SPATC1: variants seen among roughly 807,000 people sequenced by gnomAD.
The protein encoded by SPATC1 is spermatogenesis and centriole associated 1, also known as speriolin.
A neutral mutation model predicts 36.5 loss-of-function variants in SPATC1; 35 were observed. That is an observed-to-expected ratio of 0.96 (90% CI 0.73 to 1.27). The LOEUF (loss-of-function observed/expected upper bound fraction) is 1.27, where lower values mean the gene tolerates loss of function less well. Among genes scored for constraint, SPATC1 ranks in the 50% most tolerant of loss-of-function variants. The pLI, the probability that SPATC1 is intolerant of heterozygous loss-of-function variation, is 0.00. For missense variants in SPATC1, 779 were observed against 796.0 expected (o/e 0.98, Z 0.26); for synonymous variants, 361 against 353.6 (o/e 1.02, Z -0.24).
At chr8:144,041,728 T>C (rs1587531100) in intron 4 of SPATC1, among the ~76,000 whole-genome samples, 1 of 151,852 alleles carries the variant, frequency 6.6e-6, no homozygotes, top group Non-Finnish European at 1.5e-5. Flanking sequence ...GGAAGCTCGG[T>C]TGGGGGTGTG....
chr8:144,022,514 A>G (rs1307971970), intron 1 of SPATC1, among the ~76,000 whole-genome samples: 1 of 78,850 alleles, frequency 1.3e-5, no homozygotes, highest in African/African-American at 5.6e-5. Context: ...CCCCCTCAGG[A>G]AGCTCTTCTC....
intron 1 of SPATC1, among the ~76,000 whole-genome samples, chr8:144,035,341 A>G (rs1250657853): frequency 6.6e-6 from 1 of 152,188 alleles, no homozygotes; most frequent in Non-Finnish European, 1.5e-5. Flanking sequence ...GAGGGTACCA[A>G]TAGCACCCAG....
chr8:144,017,181 G>C (rs1198008684), intron 1 of SPATC1, among the ~76,000 whole-genome samples: 2 of 152,148 alleles, frequency 1.3e-5, no homozygotes, highest in South Asian at 2.1e-4. Flanking sequence ...ATGACAAAGA[G>C]AGCATCCAGA....
intron 1 of SPATC1, among the ~76,000 whole-genome samples, chr8:144,015,833 G>A (rs1834378911): frequency 6.6e-6 from 1 of 151,886 alleles, no homozygotes; most frequent in Non-Finnish European, 1.5e-5. Flanking sequence ...GGCCGAGGTG[G>A]AGGATCATAA....
At chr8:144,031,891 C>T (rs998715453) in intron 1 of SPATC1, among the ~76,000 whole-genome samples, 100 of 151,566 alleles carry the variant, frequency 6.6e-4, no homozygotes, top group African/African-American at 2.3e-3. Context: ...GCTAATTTTT[C>T]GTATTTTTGG....
intron 1 of SPATC1, among the ~76,000 whole-genome samples, chr8:144,025,038 A>G (rs1443590767): frequency 2.2e-5 from 3 of 138,202 alleles, no homozygotes; most frequent in African/African-American, 8.4e-5. Context: ...TCACCTCAGG[A>G]CCCTCTCCCC....
intron 1 of SPATC1, among the ~76,000 whole-genome samples, chr8:144,028,724 A>C (rs1834733997): frequency 6.6e-6 from 1 of 152,248 alleles, no homozygotes; most frequent in Admixed American, 6.5e-5. Flanking sequence ...AAGGAATATA[A>C]ATCATTCTAT....
In SPATC1 at chr8:144,041,476, C is replaced by T. The variant is rs1273005669; in HGVS notation, c.1446+105C>T. On this transcript the variant is annotated intron_variant, in intron 4 of 4. Transcript: ENST00000377470. Reference sequence around the variant, plus strand: ...CCAAACTTGCCAGGACCTGAGGAGTCCCTGGGATAGAGGAAGCTGACTGCT... The same window carrying T: ...CCAAACTTGCCAGGACCTGAGGAGTTCCTGGGATAGAGGAAGCTGACTGCT... 52 of 1,424,498 alleles carry T rather than the reference C, an allele frequency of 3.7e-5. No homozygotes were observed. In the Admixed American group the frequency reaches 7.2e-4, roughly 20 times the overall value. The allele number at this position is 1,424,498 out of a possible 1,614,324, so 88.2% of individuals were successfully genotyped here. A position where few individuals can be genotyped will look rare whatever the true frequency, so the allele number is the denominator to read the frequency against.
At chr8:144,036,357 T>C (rs1251814150) in intron 1 of SPATC1, among the ~76,000 whole-genome samples, 2 of 152,208 alleles carry the variant, frequency 1.3e-5, no homozygotes, top group African/African-American at 4.8e-5. Context: ...CAGGATCTCA[T>C]GCCGTCACTC....
chr8:144,042,311 A>ATTTTTTTTTTTTTTTTTTTTTTTTTTTTT, intron 4 of SPATC1, among the ~76,000 whole-genome samples: 1 of 23,882 alleles, frequency 4.2e-5, no homozygotes, highest in Non-Finnish European at 6.3e-5. Context: ...ATATATATAT[A>ATTTTTTTTTTTTTTTTTTTTTTTTTTTTT]TTTTTTTTTT....
chr8:144,041,196 C>T, intron 3 of SPATC1, 36 bp from the exon 4 acceptor site: 2 of 1,611,012 alleles, frequency 1.2e-6, no homozygotes, highest in South Asian at 1.1e-5. Context: ...CTCCTCTCAC[C>T]CTCTCACCTG....
intron 1 of SPATC1, among the ~76,000 whole-genome samples, chr8:144,024,119 C>T (rs1834621205): frequency 6.6e-6 from 1 of 151,366 alleles, no homozygotes; most frequent in African/African-American, 2.4e-5. Flanking sequence ...TCCGGACCCT[C>T]TCTTCACAGG....
chr8:144,041,372 G>C lies in SPATC1; in HGVS notation c.1446+1G>C. 2.5e-6 allele frequency: 4 copies of C among 1,607,686 alleles called. No homozygotes were observed. Among genetic ancestry groups the C allele is most frequent in the African/African-American group, 1.3e-5 (1 of 75,072 alleles). ...CAACATCCCAGAGAAGATCATCCAG[G>C]TGTGCGGCCAGGGGTCCTGCAGGGA... On this transcript the variant is annotated splice_donor_variant, in intron 4 of 4. Transcript: ENST00000377470. LOFTEE classifies it high-confidence loss of function.
chr8:144,037,664 C>T (rs562173870), intron 1 of SPATC1, among the ~76,000 whole-genome samples: 8 of 151,964 alleles, frequency 5.3e-5, no homozygotes, highest in Non-Finnish European at 1.0e-4. Flanking sequence ...GGGACACAAA[C>T]ACTGTGGAAG....
chr8:144,027,532 A>G (rs959335103), intron 1 of SPATC1, among the ~76,000 whole-genome samples: 1 of 152,210 alleles, frequency 6.6e-6, no homozygotes, highest in Non-Finnish European at 1.5e-5. Flanking sequence ...ATCCAAGGTC[A>G]TGCAGATTCA....
chr8:144,040,525 T>C, intron 2 of SPATC1, 43 bp from the exon 3 acceptor site: 1 of 1,561,744 alleles, frequency 6.4e-7, no homozygotes, highest in Non-Finnish European at 8.7e-7. Context: ...CCCACCTCAC[T>C]CTAATCCCCC....
intron 4 of SPATC1, 105 bp downstream of exon 4, chr8:144,041,476 C>A: frequency 7.0e-7 from 1 of 1,424,614 alleles, no homozygotes; most frequent in South Asian, 1.3e-5. Context: ...CCTGAGGAGT[C>A]CCTGGGATAG....
intron 1 of SPATC1, among the ~76,000 whole-genome samples, chr8:144,039,044 G>A (rs1834988940): frequency 6.6e-6 from 1 of 152,152 alleles, no homozygotes; most frequent in Admixed American, 6.5e-5. Context: ...AACTATCTGT[G>A]GCTTTTCATC....
intron 1 of SPATC1, among the ~76,000 whole-genome samples, chr8:144,021,368 T>C (rs1297634610): frequency 3.0e-4 from 26 of 85,742 alleles, no homozygotes; most frequent in Non-Finnish European, 4.9e-4. Context: ...CCCTCAGGAC[T>C]CTCTTCCTTC....
Sources: gnomAD v4.1 joint callset for allele counts (sites outside exome capture counted in the v4.1 genomes callset) on GRCh38, gnomAD v4.1.1 for gene constraint, MANE v1.5 for transcripts, NCBI Gene and HGNC (gene_info 2026-07-23, HGNC 2026-07-21) for gene names.